LSAMP: variants seen among roughly 807,000 people sequenced by gnomAD.
LSAMP encodes limbic system associated membrane protein.
In LSAMP, 7 loss-of-function variants were observed where a neutral mutation model predicts 38.6. The observed-to-expected ratio is 0.18, with a 90% confidence interval of 0.10 to 0.34. The LOEUF (loss-of-function observed/expected upper bound fraction) is 0.34, where lower values mean the gene tolerates loss of function less well. Ranked by LOEUF, LSAMP falls within the 10% of genes least tolerant of loss-of-function variation. LSAMP has a pLI of 1.00. For synonymous variants in LSAMP, 154 were observed against 166.8 expected, an observed-to-expected ratio of 0.92 and a Z score of 0.59; for missense variants, 313 against 420.0, an observed-to-expected ratio of 0.75 and a Z score of 2.23.
chr3:115,914,641 C>T (rs1421092549), intron 3 of LSAMP, among the ~76,000 whole-genome samples: 4 of 152,112 alleles, frequency 2.6e-5, no homozygotes, highest in Non-Finnish European at 5.9e-5. Context: ...TTCCTCCATC[C>T]CTCTCTTATT....
chr3:115,940,267 T>C (rs1937867762), intron 3 of LSAMP, among the ~76,000 whole-genome samples: 3 of 152,060 alleles, frequency 2.0e-5, no homozygotes. Flanking sequence ...TTGCCACTGC[T>C]GGCTGGGGTG....
At chr3:116,019,393 G>C in intron 3 of LSAMP, 122 bp downstream of exon 3, 1 of 1,243,124 alleles carries the variant, frequency 8.0e-7, no homozygotes, top group Non-Finnish European at 1.1e-6. Context: ...ATGACCTTCT[G>C]ATTCAACAGA....
intron 1 of LSAMP, among the ~76,000 whole-genome samples, chr3:116,421,042 T>G (rs1250525562): frequency 2.0e-5 from 3 of 152,224 alleles, no homozygotes; most frequent in African/African-American, 4.8e-5. Flanking sequence ...AAAAAATGGA[T>G]CATAGACCCA....
At chr3:116,344,361 A>C (rs2107757312) in intron 1 of LSAMP, among the ~76,000 whole-genome samples, 1 of 152,300 alleles carries the variant, frequency 6.6e-6, no homozygotes, top group Non-Finnish European at 1.5e-5. Context: ...GAAAAATCTA[A>C]GTACAAAGCA....
At chr3:115,937,855 A>G (rs541264124) in intron 3 of LSAMP, among the ~76,000 whole-genome samples, 4 of 151,932 alleles carry the variant, frequency 2.6e-5, no homozygotes, top group African/African-American at 9.7e-5. Flanking sequence ...CACAGTGAAG[A>G]TGTATACTTA....
chr3:116,347,022 G>A (rs1449813190), intron 1 of LSAMP, among the ~76,000 whole-genome samples: 4 of 152,106 alleles, frequency 2.6e-5, no homozygotes, highest in African/African-American at 2.4e-5. Context: ...AATGATACTC[G>A]GTCTATGATA....
At chr3:116,438,057 C>CAAAAA (rs1491180862) in intron 1 of LSAMP, among the ~76,000 whole-genome samples, 1 of 46,392 alleles carries the variant, frequency 2.2e-5, no homozygotes. Context: ...TTACAGGTAA[C>CAAAAA]TACAAAAAAA....
At position 116,272,195 on chromosome 3, in the gene LSAMP, G is replaced by A. The variant is rs557793697; in HGVS notation, c.155+172682C>T. Reference sequence around the variant, plus strand: ...AACAACACAGAAACTATGTATGTGCGAATAACACTTCTGCCCAGTGATGCA... The same window carrying A: ...AACAACACAGAAACTATGTATGTGCAAATAACACTTCTGCCCAGTGATGCA... On this transcript the variant is annotated intron_variant, in intron 1 of 6. Coordinates refer to ENST00000490035, the MANE Select transcript of LSAMP (RefSeq NM_002338.5). Among the ~76,000 whole-genome samples, 142 of 152,076 alleles carry A rather than the reference G, an allele frequency of 9.3e-4. 1 individual carries two copies. Among genetic ancestry groups the A allele is most frequent in the African/African-American group, 3.2e-3 (131 of 41,510 alleles).
chr3:116,134,938 G>T (rs768595968), intron 1 of LSAMP, among the ~76,000 whole-genome samples: 4 of 152,076 alleles, frequency 2.6e-5, no homozygotes, highest in African/African-American at 7.2e-5. Context: ...CTGAAATTTT[G>T]CTGGGCTCTC....
chr3:116,178,417 C>T (rs546645665), intron 1 of LSAMP, among the ~76,000 whole-genome samples: 122 of 152,274 alleles, frequency 8.0e-4, no homozygotes, highest in Non-Finnish European at 1.3e-3. Context: ...ATCTGCCCAC[C>T]TCATCCTCTC....
At chr3:115,971,982 A>G (rs1024355527) in intron 3 of LSAMP, among the ~76,000 whole-genome samples, 1 of 152,088 alleles carries the variant, frequency 6.6e-6, no homozygotes, top group African/African-American at 2.4e-5. Flanking sequence ...TATAAATCCT[A>G]TACATCTATT....
chr3:115,956,739 A>G (rs1938467064), intron 3 of LSAMP, among the ~76,000 whole-genome samples: 1 of 152,184 alleles, frequency 6.6e-6, no homozygotes, highest in African/African-American at 2.4e-5. Flanking sequence ...TAATTCTTTA[A>G]CTATTTCCAA....
chr3:116,310,914 G>GT (rs35763101), intron 1 of LSAMP, among the ~76,000 whole-genome samples: 185 of 28,596 alleles, frequency 6.5e-3, no homozygotes, highest in Middle Eastern at 0.029. Flanking sequence ...ATGATAAGTT[G>GT]TTTTTTTTTT....
chr3:116,182,233 A>G (rs1710501683), intron 1 of LSAMP, among the ~76,000 whole-genome samples: 1 of 151,926 alleles, frequency 6.6e-6, no homozygotes, highest in African/African-American at 2.4e-5. Flanking sequence ...TAATAATGCT[A>G]TGAAGAACTA....
chr3:116,302,922 T>C (rs745960453), intron 1 of LSAMP, among the ~76,000 whole-genome samples: 3 of 152,200 alleles, frequency 2.0e-5, no homozygotes, highest in Non-Finnish European at 4.4e-5. Flanking sequence ...TACATTTTTG[T>C]CAGCCTATAA....
At chr3:116,326,700 T>C (rs1030035889) in intron 1 of LSAMP, among the ~76,000 whole-genome samples, 2 of 152,190 alleles carry the variant, frequency 1.3e-5, no homozygotes, top group Admixed American at 6.5e-5. Context: ...AAATTGGTCA[T>C]GGTCTCACAG....
intron 3 of LSAMP, among the ~76,000 whole-genome samples, chr3:115,953,144 C>T (rs1049372416): frequency 5.3e-5 from 8 of 152,110 alleles, no homozygotes; most frequent in East Asian, 1.9e-4. Context: ...GTATCTCCTT[C>T]GTGTTTGCAT....
intron 2 of LSAMP, among the ~76,000 whole-genome samples, chr3:116,036,547 A>C (rs1941049735): frequency 6.6e-6 from 1 of 152,076 alleles, no homozygotes; most frequent in Non-Finnish European, 1.5e-5. Flanking sequence ...CTGTGAGCCC[A>C]CCCCAATTAT....
chr3:115,955,172 G>A (rs1204021177), intron 3 of LSAMP, among the ~76,000 whole-genome samples: 1 of 152,086 alleles, frequency 6.6e-6, no homozygotes, highest in African/African-American at 2.4e-5. Flanking sequence ...CTGACCTCGT[G>A]ATCCGCCGGC....
Sources: allele counts gnomAD v4.1 joint callset (sites outside exome capture counted in the v4.1 genomes callset), GRCh38; gene constraint gnomAD v4.1.1; transcripts MANE v1.5; gene names NCBI Gene and HGNC (gene_info 2026-07-23, HGNC 2026-07-21).